Variants in SPTBN1 observed in about 807,000 individuals in gnomAD.
SPTBN1 encodes spectrin beta, non-erythrocytic 1.
In SPTBN1, 32 loss-of-function variants were observed where a neutral mutation model predicts 266.4. The ratio of observed to expected loss-of-function variants is 0.12; its 90% CI spans 0.09 to 0.16. SPTBN1 has a LOEUF of 0.16. SPTBN1 is among the 10% of genes least tolerant of loss of function. SPTBN1 has a pLI of 1.00. For missense variants in SPTBN1, 2,296 were observed against 3,067.1 expected (o/e 0.75, Z 5.94); for synonymous variants, 1,336 against 1,162.2 (o/e 1.15, Z -3.04).
chr2:54,553,403 T>C (rs187809282), intron 2 of SPTBN1, among the ~76,000 whole-genome samples: 280 of 152,310 alleles, frequency 1.8e-3, no homozygotes, highest in Admixed American at 5.4e-3. Flanking sequence ...AGAAACATAA[T>C]ATAAACCAGT....
At chr2:54,501,344 G>A (rs754032273) in intron 1 of SPTBN1, among the ~76,000 whole-genome samples, 1 of 151,746 alleles carries the variant, frequency 6.6e-6, no homozygotes, top group African/African-American at 2.4e-5. Flanking sequence ...TTTGTAATTA[G>A]CTAACTAAGA....
chr2:54,645,507 C>A lies in SPTBN1; in HGVS notation c.4494+54C>A. 1 of 1,566,130 alleles carries A rather than the reference C, an allele frequency of 6.4e-7. No individual in the cohort carries two copies. The highest frequency in any genetic ancestry group is 1.2e-5 in the South Asian group (1 of 86,826). On this transcript the variant is annotated intron_variant, in intron 21 of 35. Coordinates refer to ENST00000356805, the MANE Select transcript of SPTBN1 (RefSeq NM_003128.3). This position sits in a 1 kb window ranked among gnomAD's most constrained non-coding sequence, Gnocchi z 4.3. ...TTTTCCACGAGCCCCCTTGCCTGTG[C>A]TAAAGCCCACATTCTCACTTCTCAG... is the stretch of plus-strand genomic sequence containing the variant.
intron 8 of SPTBN1, among the ~76,000 whole-genome samples, 165 bp from the exon 9 acceptor site, chr2:54,622,135 C>T (rs1678029664): frequency 6.6e-6 from 1 of 152,124 alleles, no homozygotes. Flanking sequence ...GCAGATGGTT[C>T]CTTGAGTTAA....
At chr2:54,623,674 G>T in intron 10 of SPTBN1, 78 bp downstream of exon 10, 1 of 1,157,558 alleles carries the variant, frequency 8.6e-7, no homozygotes, top group Non-Finnish European at 1.2e-6. Context: ...CGACTGCTAA[G>T]AGGACAAGAG....
At chr2:54,557,788 G>A in intron 2 of SPTBN1, 1 of 985,384 alleles carries the variant, frequency 1.0e-6, no homozygotes, top group Non-Finnish European at 1.2e-6. Context: ...TCCCCTGATG[G>A]CAGCGTAAGT....
chr2:54,588,455 T>C (rs1160765687), intron 2 of SPTBN1, among the ~76,000 whole-genome samples: 1 of 152,152 alleles, frequency 6.6e-6, no homozygotes, highest in African/African-American at 2.4e-5. Flanking sequence ...CTGTGTGGGA[T>C]GGAGTGCCTC....
intron 1 of SPTBN1, among the ~76,000 whole-genome samples, chr2:54,464,707 T>C (rs1459432581): frequency 6.6e-6 from 1 of 152,228 alleles, no homozygotes; most frequent in Non-Finnish European, 1.5e-5. Context: ...TTGTTTTGTT[T>C]GAGACAGAGT....
intron 2 of SPTBN1, among the ~76,000 whole-genome samples, chr2:54,589,055 AT>A (rs1163111809): frequency 6.6e-6 from 1 of 152,172 alleles, no homozygotes; most frequent in African/African-American, 2.4e-5. Context: ...CCCCTCAAGC[AT>A]TTATCTTTTG....
In SPTBN1 at chr2:54,631,423, G is replaced by C; in HGVS notation, c.3376G>C (p.Glu1126Gln). 1 of 1,614,242 alleles carries C rather than the reference G, an allele frequency of 6.2e-7. No individual in the cohort carries two copies. Residue 1126 changes from glutamate to glutamine, a missense_variant, in exon 16 of 36, where the codon GAG becomes CAG. Glu to Gln is a conservative substitution (Grantham distance 29). Around this residue, in one of 12 missense-constraint regions of SPTBN1, gnomAD observed 386 missense variants for 486.1 expected, o/e 0.79. Coordinates refer to ENST00000356805, the MANE Select transcript of SPTBN1 (RefSeq NM_003128.3). ...EDYQKMRDMG[E>Q]MVTQGQTDAQ... Reference sequence around the variant, plus strand: ...CTACCAGAAGATGAGGGACATGGGCGAGATGGTCACCCAGGGGCAGACCGA... The same window carrying C: ...CTACCAGAAGATGAGGGACATGGGCCAGATGGTCACCCAGGGGCAGACCGA...
At chr2:54,625,054 T>C in intron 11 of SPTBN1, 92 bp downstream of exon 11, 1 of 1,426,450 alleles carries the variant, frequency 7.0e-7, no homozygotes, top group South Asian at 1.5e-5. Flanking sequence ...GGACAGCTGC[T>C]TATCGACATT....
chr2:54,653,242 T>C lies in SPTBN1; in HGVS notation c.5578-367T>C, dbSNP rs1680416684. The C allele has an allele frequency of 5.6e-6, 1 of 177,508 alleles. No homozygotes were observed. Among genetic ancestry groups the C allele is most frequent in the Non-Finnish European group, 1.2e-5 (1 of 85,314 alleles). The allele number at this position is 177,508 out of a possible 1,614,324, so 11.0% of individuals were successfully genotyped here. ...AGTTTCCCATTCATCATAAAAACAT[T>C]TATCTTTACCCCGAGATAGCAGATT... On this transcript the variant is annotated intron_variant, in intron 26 of 35. Transcript: ENST00000356805. The surrounding 1 kb of genome is among the most constrained non-coding windows in gnomAD (Gnocchi z 5.1).
Position 54,664,403 on chromosome 2 carries a change from C to A in SPTBN1, c.6421-50C>A. 1 of 1,563,774 alleles carries A rather than the reference C, an allele frequency of 6.4e-7. No individual in the cohort carries two copies. The highest frequency in any genetic ancestry group is 1.2e-5 in the South Asian group (1 of 86,258). On this transcript the variant is annotated intron_variant, in intron 32 of 35. Coordinates refer to ENST00000356805, the MANE Select transcript of SPTBN1 (RefSeq NM_003128.3). The surrounding 1 kb of genome is among the most constrained non-coding windows in gnomAD (Gnocchi z 5.6). ...GCGAGTCAGGTAGAGCGTATGTGGT[C>A]ACCCCCATGGCTCACGGAGTTAGCT...
rs191889630 is a variant in SPTBN1, at chr2:54,649,187, C to G, written c.5199C>G (p.Val1733=). 1.9e-6 allele frequency: 3 copies of G among 1,595,430 alleles called. No individual in the cohort carries two copies. The highest frequency in any genetic ancestry group is 3.4e-5 in the Admixed American group (2 of 59,650). ...SHELGQDYEH[V]TMLQERFREF... is the part of the protein sequence containing the mutation. ...AACTGGGACAGGACTATGAGCATGT[C>G]ACGGCAAGTACTTGAGGCAGTGCAT... The change falls in exon 25 of 36, where the codon GTC becomes GTG. Residue 1733 remains valine, a synonymous_variant. Transcript: ENST00000356805. The surrounding 1 kb of genome is among the most constrained non-coding windows in gnomAD (Gnocchi z 6.7).
rs776159490 is a variant in SPTBN1, at chr2:54,558,682, C to T, written c.148+32116C>T. 4.6e-5 allele frequency: 70 copies of T among 1,535,470 alleles called. No homozygotes were observed. The highest frequency in any genetic ancestry group is 5.9e-5 in the Non-Finnish European group (67 of 1,137,664). On this transcript the variant is annotated intron_variant, in intron 2 of 35. Coordinates refer to ENST00000356805, the MANE Select transcript of SPTBN1 (RefSeq NM_003128.3). The surrounding 1 kb of genome is among the most constrained non-coding windows in gnomAD (Gnocchi z 4.6). ...CCGGAATGGGGCTCGCCTAAGGAGC[C>T]GAGCGCTGCGGAGGCTGCTGCGTGT...
intron 8 of SPTBN1, 34 bp downstream of exon 8, chr2:54,621,546 A>G (rs755470137): frequency 1.0e-5 from 16 of 1,559,780 alleles, no homozygotes; most frequent in Non-Finnish European, 1.4e-5. Flanking sequence ...GTTGTGAGAC[A>G]TAATTAAGGT....
At position 54,532,677 on chromosome 2, in the gene SPTBN1, A is replaced by G. The variant is rs989107788; in HGVS notation, c.148+6111A>G. On this transcript the variant is annotated intron_variant, in intron 2 of 35. Transcript: ENST00000356805. ...GCTTGCATCCCGTGATTGCAGGCCC[A>G]CTTTCCTGACCTCTGACCAGTTGCC... 2.6e-5 allele frequency among the ~76,000 whole-genome samples: 4 copies of G among 152,340 alleles called. No individual in the cohort carries two copies. In the South Asian group the frequency reaches 8.3e-4, roughly 32 times the overall value.
intron 19 of SPTBN1, among the ~76,000 whole-genome samples, chr2:54,643,786 C>T (rs887417768): frequency 6.6e-6 from 1 of 152,110 alleles, no homozygotes; most frequent in African/African-American, 2.4e-5. Context: ...GAGTTTCAGA[C>T]CAGCTTGGCC....
At chr2:54,587,148 C>T (rs1379457841) in intron 2 of SPTBN1, among the ~76,000 whole-genome samples, 2 of 152,130 alleles carry the variant, frequency 1.3e-5, no homozygotes, top group Non-Finnish European at 2.9e-5. Flanking sequence ...AATTTGAATT[C>T]TCTCTCAATA....
intron 2 of SPTBN1, chr2:54,527,521 CAA>C (rs1179643799): frequency 1.3e-5 from 2 of 152,172 alleles, no homozygotes; most frequent in Non-Finnish European, 2.9e-5. Context: ...GTTTAAGTGA[CAA>C]AGAGGATTTA....
Sources: allele counts gnomAD v4.1 joint callset (sites outside exome capture counted in the v4.1 genomes callset), GRCh38; gene constraint gnomAD v4.1.1; regional missense constraint gnomAD v4.1.1; non-coding constraint Gnocchi (gnomAD v3.1); transcripts MANE v1.5; gene names NCBI Gene and HGNC (gene_info 2026-07-23, HGNC 2026-07-21).